GFY: variants seen among roughly 807,000 people sequenced by gnomAD.
GFY encodes the protein golgi associated olfactory signaling regulator.
Under a neutral mutation model 29.1 loss-of-function variants are expected in GFY, and 28 were observed. The observed-to-expected ratio is 0.96, with a 90% CI of 0.71 to 1.32. The LOEUF (loss-of-function observed/expected upper bound fraction) is 1.32, where lower values mean the gene tolerates loss of function less well. Among genes scored for constraint, GFY ranks in the 40% most tolerant of loss-of-function variants. GFY has a pLI of 0.00. For synonymous variants in GFY, 277 were observed against 274.5 expected (o/e 1.01, Z -0.09); for missense variants, 656 against 661.9 (o/e 0.99, Z 0.10).
rs1426010712 is a variant in GFY, at chr19:49,426,819, A to G, written c.389A>G (p.His130Arg). The change falls in exon 2 of 4, where the codon CAC becomes CGC. Residue 130 changes from histidine (H) to arginine (R), a missense_variant. Physicochemically the swap from His to Arg is conservative, Grantham distance 29. Transcript: ENST00000610896. ...AAAACTAACCTCTCCAAAATGGCACACCCAGAGTCTTCTGAGACCCCCACA... is the reference window on the plus strand; with the variant it reads ...AAAACTAACCTCTCCAAAATGGCACGCCCAGAGTCTTCTGAGACCCCCACA... ...MPKTNLSKMA[H>R]PESSETPTPG... The G allele has an allele frequency of 6.5e-7, 1 of 1,535,646 alleles. No homozygotes were observed. Among genetic ancestry groups the G allele is most frequent in the South Asian group, 1.2e-5 (1 of 84,020 alleles).
chr19:49,428,394 T>G (rs12980585), intron 3 of GFY, among the ~76,000 whole-genome samples: 27,144 of 151,116 alleles, frequency 0.18, 2,654 homozygotes, highest in East Asian at 0.32. Context: ...AGCCCTGTAC[T>G]TCCCGCCCTC....
rs1230103619 is a variant in GFY, at chr19:49,426,677, C to G, written c.247C>G (p.Leu83Val). 6.5e-7 allele frequency: 1 copy of G among 1,536,086 alleles called. No individual in the cohort carries two copies. Among genetic ancestry groups the G allele is most frequent in the Non-Finnish European group, 8.7e-7 (1 of 1,146,900 alleles). The change falls in exon 2 of 4, where the codon CTT becomes GTT. Residue 83 changes from leucine (L) to valine (V), a missense_variant. Transcript: ENST00000610896. The part of the protein sequence containing the change: ...PHTVSLETFP[L>V]DFTEPLNPDL... ...TACGGTTTCCCTGGAAACCTTCCCA[C>G]TTGACTTCACTGAGCCCCTCAACCC...
chr19:49,426,095 T>G (rs1195851393), intron 1 of GFY, among the ~76,000 whole-genome samples: 1 of 152,190 alleles, frequency 6.6e-6, no homozygotes, highest in African/African-American at 2.4e-5. Context: ...CTCCCTAAAG[T>G]CGAAGTCGAG....
chr19:49,427,292 A>C lies in GFY; in HGVS notation c.862A>C (p.Thr288Pro), dbSNP rs1432890987. ...AATCTCCACTAGTCTCTACCCAGAA[A>C]CACCTGTGCCCTTCAAGGATGACGC... is the stretch of plus-strand genomic sequence containing the variant. The part of the protein sequence containing the change: ...PQISTSLYPE[T>P]PVPFKDDATA... The change falls in exon 2 of 4, where the codon ACA becomes CCA. Residue 288 changes from threonine (T) to proline (P), a missense_variant. By Grantham distance (38) the Thr-to-Pro change is conservative (BLOSUM62 -1). Transcript: ENST00000610896. 9.1e-6 allele frequency: 14 copies of C among 1,536,046 alleles called. No individual in the cohort carries two copies. Among genetic ancestry groups the C allele is most frequent in the Non-Finnish European group, 1.2e-5 (14 of 1,146,908 alleles).
chr19:49,428,572 GC>G (rs2078943946), intron 3 of GFY, 46 bp from the exon 4 acceptor site: 2 of 1,360,862 alleles, frequency 1.5e-6, no homozygotes, highest in African/African-American at 3.0e-5. Context: ...CTGGAAGGGG[GC>G]CTGGAGGGTC....
In GFY at chr19:49,428,904, C is replaced by A; in HGVS notation, c.*86C>A. ...GGTATGCTTAGCTAGAGTAGTGCCC[C>A]GGATAAAGGGTCTAATATACAGAGA... On this transcript the variant is annotated 3_prime_UTR_variant, in exon 4 of 4. Transcript: ENST00000610896. 1 of 906,696 alleles carries A rather than the reference C, an allele frequency of 1.1e-6. No homozygotes were observed. The highest frequency in any genetic ancestry group is 1.6e-6 in the Non-Finnish European group (1 of 633,744). The allele number at this position is 906,696 out of a possible 1,614,324, so 56.2% of individuals were successfully genotyped here.
upstream of GFY, among the ~76,000 whole-genome samples, chr19:49,425,157 T>C (rs147808013): frequency 2.6e-5 from 4 of 151,730 alleles, no homozygotes; most frequent in East Asian, 7.7e-4. Flanking sequence ...AATAGGAAGG[T>C]ACCAGGGAAC....
In GFY at chr19:49,427,440, A is replaced by T; in HGVS notation, c.1010A>T (p.Asn337Ile). The T allele has an allele frequency of 6.5e-7, 1 of 1,535,610 alleles. No individual in the cohort carries two copies. Among genetic ancestry groups the T allele is most frequent in the Non-Finnish European group, 8.7e-7 (1 of 1,146,614 alleles). ...ATGGTTGAGCTGAAGGCCCCCCAGA[A>T]CTCTGGCCCTAAGGAGTCCAACGTC... ...PGMVELKAPQ[N>I]SGPKESNVPP... The change falls in exon 2 of 4, where the codon AAC becomes ATC. Residue 337 changes from asparagine to isoleucine, a missense_variant. Physicochemically the swap from Asn to Ile is moderately radical, Grantham distance 149. Coordinates refer to ENST00000610896, the MANE Select transcript of GFY (RefSeq NM_001195256.2).
Position 49,427,752 on chromosome 19 carries a change from G to A in GFY, c.1183+139G>A, listed in dbSNP as rs910713895. 4 of 1,142,608 alleles carry A rather than the reference G, an allele frequency of 3.5e-6. No homozygotes were observed. The African/African-American group carries it at 4.8e-5, about 14-fold the overall frequency. The allele number at this position is 1,142,608 out of a possible 1,614,324, so 70.8% of individuals were successfully genotyped here. ...GCTGGGGGCCTGGACTCCTGGGTCC[G>A]AGGGAGGAGGGGCTGGGGGCCTGGA... is the stretch of plus-strand genomic sequence containing the variant. On this transcript the variant is annotated intron_variant, in intron 2 of 3. Transcript: ENST00000610896.
At position 49,426,643 on chromosome 19, in the gene GFY, G is replaced by A. The variant is rs111608975; in HGVS notation, c.213G>A (p.Lys71=). The change falls in exon 2 of 4, where the codon AAG becomes AAA. Residue 71 remains lysine (K), a synonymous_variant. Transcript: ENST00000610896. The part of the protein sequence containing the change: ...FPGTPYPEPS[K]LPHTVSLETF... Reference sequence around the variant, plus strand: ...GGACTCCTTACCCTGAGCCTTCCAAGCTACCTCATACGGTTTCCCTGGAAA... The same window carrying A: ...GGACTCCTTACCCTGAGCCTTCCAAACTACCTCATACGGTTTCCCTGGAAA... 792 of 1,535,656 alleles carry A rather than the reference G, an allele frequency of 5.2e-4. 4 individuals are homozygous for A. The African/African-American group carries it at 8.8e-3, about 17-fold the overall frequency.
In GFY at chr19:49,426,779, T is replaced by TC; in HGVS notation, c.352dup (p.Leu118ProfsTer7). ...CTCACTCACAACCTCAATATCAGAA[T>TC]CCCTGGACATGCCCAAAACTAACCT... On this transcript the variant is annotated frameshift_variant, in exon 2 of 4. Coordinates refer to ENST00000610896, the MANE Select transcript of GFY (RefSeq NM_001195256.2). LOFTEE classifies it high-confidence loss of function. 1 of 1,534,430 alleles carries TC rather than the reference T, an allele frequency of 6.5e-7. No homozygotes were observed. The highest frequency in any genetic ancestry group is 1.4e-5 in the African/African-American group (1 of 72,300).
chr19:49,425,987 C>T (rs1392108021), intron 1 of GFY, among the ~76,000 whole-genome samples: 3 of 152,148 alleles, frequency 2.0e-5, no homozygotes, highest in East Asian at 1.9e-4. Flanking sequence ...AGCCCTCAGC[C>T]GTTAGGAGCC....
chr19:49,428,181 AG>A, intron 3 of GFY, 62 bp downstream of exon 3: 1 of 1,490,758 alleles, frequency 6.7e-7, no homozygotes, highest in Non-Finnish European at 9.0e-7. Context: ...CCGGCACTAC[AG>A]GGCGCCAGCC....
chr19:49,426,362 C>T (rs1975071899), intron 1 of GFY, 48 bp from the exon 2 acceptor site: 3 of 1,449,232 alleles, frequency 2.1e-6, no homozygotes, highest in East Asian at 2.5e-5. Context: ...GGGCGGGGCT[C>T]CTGGGAGCCT....
At position 49,428,789 on chromosome 19, in the gene GFY, C is replaced by T; in HGVS notation, c.1528C>T (p.Pro510Ser). The stretch of plus-strand genomic sequence containing the variant: ...CCCGCAGCGTCTGGAGGCCCTGTCC[C>T]CCGCCACGCTCCCCAACAACTTCGT... ...GRPQRLEALS[P>S]ATLPNNFV The change falls in exon 4 of 4, where the codon CCC becomes TCC. Residue 510 changes from proline (P) to serine (S), a missense_variant. By Grantham distance (74) the Pro-to-Ser change is moderately conservative (BLOSUM62 -1). Coordinates refer to ENST00000610896, the MANE Select transcript of GFY (RefSeq NM_001195256.2). 1.4e-6 allele frequency: 2 copies of T among 1,476,380 alleles called. No individual in the cohort carries two copies. Among genetic ancestry groups the T allele is most frequent in the Non-Finnish European group, 1.8e-6 (2 of 1,115,860 alleles). The allele number at this position is 1,476,380 out of a possible 1,614,324, so 91.5% of individuals were successfully genotyped here.
rs1233733191 is a variant in GFY, at chr19:49,427,515, C to A, written c.1085C>A (p.Pro362His). Residue 362 changes from proline to histidine, a missense_variant, in exon 2 of 4, where the codon CCC becomes CAC. Coordinates refer to ENST00000610896, the MANE Select transcript of GFY (RefSeq NM_001195256.2). ...GGTCCCCCTGCTCTTCCAGGGCGCC[C>A]CAGTCAGTTGGCCCCTGCCACTCTG... ...IAGPPALPGR[P>H]SQLAPATLRA... is the part of the protein sequence containing the mutation. 1.3e-6 allele frequency: 2 copies of A among 1,529,088 alleles called. No individual in the cohort carries two copies. The highest frequency in any genetic ancestry group is 4.0e-5 in the Admixed American group (2 of 50,442). The allele number at this position is 1,529,088 out of a possible 1,614,324, so 94.7% of individuals were successfully genotyped here. A position where few individuals can be genotyped will look rare whatever the true frequency, so the allele number is the denominator to read the frequency against.
chr19:49,428,612 C>T lies in GFY; in HGVS notation c.1358-7C>T, dbSNP rs1305846518. 1 of 1,467,500 alleles carries T rather than the reference C, an allele frequency of 6.8e-7. No individual in the cohort carries two copies. The highest frequency in any genetic ancestry group is 9.0e-7 in the Non-Finnish European group (1 of 1,107,490). 90.9% of individuals were successfully genotyped at this position (1,467,500 alleles called of 1,614,324 possible). On this transcript the variant is annotated splice_region_variant and splice_polypyrimidine_tract_variant and intron_variant, in intron 3 of 3. Transcript: ENST00000610896. The stretch of plus-strand genomic sequence containing the variant: ...CCAGAGATGACCACGCCCCTTTGCA[C>T]CCACAGTTCTGCATTTGGACGCCCC...
At position 49,428,622 on chromosome 19, in the gene GFY, T is replaced by A; in HGVS notation, c.1361T>A (p.Leu454Gln). 1 of 1,484,826 alleles carries A rather than the reference T, an allele frequency of 6.7e-7. No individual in the cohort carries two copies. Among genetic ancestry groups the A allele is most frequent in the Non-Finnish European group, 9.0e-7 (1 of 1,117,294 alleles). The allele number at this position is 1,484,826 out of a possible 1,614,324, so 92.0% of individuals were successfully genotyped here. The change falls in exon 4 of 4, where the codon CTG becomes CAG. Residue 454 changes from leucine (L) to glutamine (Q), a missense_variant. By Grantham distance (113) the Leu-to-Gln change is moderately radical. Transcript: ENST00000610896. Reference sequence around the variant, plus strand: ...CCACGCCCCTTTGCACCCACAGTTCTGCATTTGGACGCCCCGAAAGACCCC... The same window carrying A: ...CCACGCCCCTTTGCACCCACAGTTCAGCATTTGGACGCCCCGAAAGACCCC... Reference protein sequence around the residue: ...RLPDDGDEPVLHLDAPKDPYD... With the variant: ...RLPDDGDEPVQHLDAPKDPYD...
chr19:49,426,767 T>G lies in GFY; in HGVS notation c.337T>G (p.Ser113Ala). The change falls in exon 2 of 4, where the codon TCA (serine) becomes GCA (alanine). Residue 113 changes from serine (S) to alanine (A), a missense_variant. Physicochemically the swap from Ser to Ala is moderately conservative, Grantham distance 99 (BLOSUM62 1). Transcript: ENST00000610896. ...ETPKADSLTTSISESLDMPKT... is the reference protein window; with the variant it reads ...ETPKADSLTTAISESLDMPKT... Reference sequence around the variant, plus strand: ...CCCCAAAGCTGACTCACTCACAACCTCAATATCAGAATCCCTGGACATGCC... The same window carrying G: ...CCCCAAAGCTGACTCACTCACAACCGCAATATCAGAATCCCTGGACATGCC... 4 of 1,526,226 alleles carry G rather than the reference T, an allele frequency of 2.6e-6. No homozygotes were observed. In the South Asian group the frequency reaches 4.8e-5, roughly 18 times the overall value. The allele number at this position is 1,526,226 out of a possible 1,614,324, so 94.5% of individuals were successfully genotyped here. A position where few individuals can be genotyped will look rare whatever the true frequency, so the allele number is the denominator to read the frequency against.
Sources: allele counts gnomAD v4.1 joint callset (sites outside exome capture counted in the v4.1 genomes callset), GRCh38; gene constraint gnomAD v4.1.1; transcripts MANE v1.5; gene names NCBI Gene and HGNC (gene_info 2026-07-23, HGNC 2026-07-21).